The following EIF4G3 variants were observed in gnomAD, a reference collection of about 807,000 sequenced individuals.
EIF4G3 encodes eukaryotic translation initiation factor 4 gamma 3, also known as eIF-4-gamma 3.
A neutral mutation model predicts 186.4 loss-of-function variants in EIF4G3; 34 were observed. That is an observed-to-expected ratio of 0.18 (90% CI 0.14 to 0.24). EIF4G3 has a LOEUF of 0.24. Among genes scored for constraint, EIF4G3 ranks in the 10% least tolerant of loss-of-function variants. The pLI, the probability that EIF4G3 is intolerant of heterozygous loss-of-function variation, is 1.00. For synonymous variants in EIF4G3, 673 were observed against 679.5 expected (o/e 0.99, Z 0.15); for missense variants, 1,536 against 1,948.5 (o/e 0.79, Z 3.99).
intron 18 of EIF4G3, among the ~76,000 whole-genome samples, chr1:20,892,242 C>G (rs956277125): frequency 9.9e-5 from 15 of 152,216 alleles, no homozygotes; most frequent in Non-Finnish European, 2.1e-4. Context: ...AAATGTACAT[C>G]AAACCCCAAG....
chr1:21,055,269 C>G (rs956454203), intron 3 of EIF4G3, among the ~76,000 whole-genome samples: 2 of 151,656 alleles, frequency 1.3e-5, no homozygotes, highest in Admixed American at 1.3e-4. Context: ...ATTTTTAACA[C>G]GGGAAAAATT....
chr1:20,981,083 G>C lies in EIF4G3; in HGVS notation c.343C>G (p.Pro115Ala). The C allele has an allele frequency of 6.2e-7, 1 of 1,612,720 alleles. No homozygotes were observed. Among genetic ancestry groups the C allele is most frequent in the South Asian group, 1.1e-5 (1 of 90,920 alleles). ...CAGTACTGAGGCCCCTGGGGCACTG[G>C]GTACGGCATGGGCAGATGGTTAACC... ...MMVNHLPMPY[P>A]VPQGPQYCIP... is the part of the protein sequence containing the mutation. The change falls in exon 9 of 37, where the codon CCA becomes GCA. Residue 115 changes from proline to alanine, a missense_variant. Around this residue, in one of 11 missense-constraint regions of EIF4G3, gnomAD observed 194 missense variants for 212.8 expected, o/e 0.91. Transcript: ENST00000602326.
chr1:20,820,138 C>T (rs1332494375), intron 33 of EIF4G3, among the ~76,000 whole-genome samples: 3 of 152,130 alleles, frequency 2.0e-5, no homozygotes, highest in Non-Finnish European at 4.4e-5. Flanking sequence ...CCCTGCCCTC[C>T]CACCCAAACT....
intron 4 of EIF4G3, among the ~76,000 whole-genome samples, chr1:21,013,636 CA>C (rs2087884755): frequency 6.6e-6 from 1 of 152,142 alleles, no homozygotes; most frequent in Non-Finnish European, 1.5e-5. Flanking sequence ...GGCAGAGGAA[CA>C]CAACAGAACA....
intron 34 of EIF4G3, among the ~76,000 whole-genome samples, chr1:20,814,076 A>G (rs2059855667): frequency 6.7e-6 from 1 of 148,432 alleles, no homozygotes; most frequent in Admixed American, 6.9e-5. Flanking sequence ...CCTCCTGAGT[A>G]GCTGGGACTA....
chr1:21,024,410 A>G (rs536345653), intron 4 of EIF4G3, among the ~76,000 whole-genome samples: 62 of 152,340 alleles, frequency 4.1e-4, no homozygotes, highest in Admixed American at 6.5e-4. Context: ...CTCATTGAGA[A>G]TGGGCCAGGA....
At chr1:20,913,400 T>C (rs2093478315) in intron 14 of EIF4G3, among the ~76,000 whole-genome samples, 1 of 152,100 alleles carries the variant, frequency 6.6e-6, no homozygotes, top group Admixed American at 6.6e-5. Flanking sequence ...TAGCTGGGTG[T>C]GGTGGCATGT....
At chr1:21,075,898 TATTC>T (rs1396182690) in intron 3 of EIF4G3, among the ~76,000 whole-genome samples, 8 of 152,184 alleles carry the variant, frequency 5.3e-5, no homozygotes, top group Non-Finnish European at 1.2e-4. Flanking sequence ...CTTGAACTAT[TATTC>T]AACTTAAATA....
rs1437213092 is a variant in EIF4G3, at chr1:21,087,909, A to C, written c.-196+1229T>G. Among the ~76,000 whole-genome samples the C allele has an allele frequency of 2.0e-5, 3 of 151,088 alleles. No homozygotes were observed. In the East Asian group the frequency reaches 6.1e-4, roughly 31 times the overall value. On this transcript the variant is annotated intron_variant, in intron 3 of 36. Transcript: ENST00000602326. ...CGGCCTCCCAAAGTGCTGGGATTAC[A>C]GGCATGAGCCACCGTGCCCAGCCAA...
intron 2 of EIF4G3, among the ~76,000 whole-genome samples, chr1:21,163,593 A>G (rs995970171): frequency 6.6e-6 from 1 of 152,206 alleles, no homozygotes; most frequent in African/African-American, 2.4e-5. Context: ...CCACTTCCCA[A>G]TGTTAAGCAA....
chr1:21,170,982 A>G (rs2097953925), intron 2 of EIF4G3, among the ~76,000 whole-genome samples: 1 of 22,368 alleles, frequency 4.5e-5, no homozygotes, highest in African/African-American at 9.1e-5. Flanking sequence ...CCTGTCTAAA[A>G]AAATAAATTA....
At chr1:21,074,259 T>A (rs1246547145) in intron 3 of EIF4G3, among the ~76,000 whole-genome samples, 1 of 152,174 alleles carries the variant, frequency 6.6e-6, no homozygotes, top group Non-Finnish European at 1.5e-5. Flanking sequence ...GACAGCAGCA[T>A]CCTCTGTCCA....
chr1:21,075,570 C>CAAAAAAAAAAAAAAAAAAAAAAAAAAAAA (rs55649192), intron 3 of EIF4G3, among the ~76,000 whole-genome samples: 1 of 51,560 alleles, frequency 1.9e-5, no homozygotes, highest in Non-Finnish European at 3.1e-5. Flanking sequence ...CTCCAACTCA[C>CAAAAAAAAAAAAAAAAAAAAAAAAAAAAA]AAAAAAAAAA....
At chr1:20,859,416 T>G (rs1352385295) in intron 24 of EIF4G3, among the ~76,000 whole-genome samples, 1 of 152,338 alleles carries the variant, frequency 6.6e-6, no homozygotes, top group Admixed American at 6.5e-5. Flanking sequence ...AACTTCACTA[T>G]GAGCTCTACT....
chr1:21,163,862 C>T (rs1239086340), intron 2 of EIF4G3, among the ~76,000 whole-genome samples: 1 of 152,164 alleles, frequency 6.6e-6, no homozygotes, highest in Non-Finnish European at 1.5e-5. Context: ...GCCTCCGCCA[C>T]CTGAGTTCAA....
Position 20,860,367 on chromosome 1 carries a change from G to C in EIF4G3, c.3244+18C>G, listed in dbSNP as rs1043682412. 16 of 1,613,408 alleles carry C rather than the reference G, an allele frequency of 9.9e-6. No homozygotes were observed. The highest frequency in any genetic ancestry group is 1.3e-5 in the Non-Finnish European group (15 of 1,179,842). ...GAAACTTCCAAGTTCTCTAAACCCT[G>C]GTGGATTCCGGCCTCACCTGGTCTT... is the stretch of plus-strand genomic sequence containing the variant. On this transcript the variant is annotated intron_variant, in intron 24 of 36. Transcript: ENST00000602326.
At chr1:20,986,153 C>T (rs763736864) in intron 7 of EIF4G3, among the ~76,000 whole-genome samples, 1 of 152,098 alleles carries the variant, frequency 6.6e-6, no homozygotes, top group Non-Finnish European at 1.5e-5. Context: ...AATCTTGTTC[C>T]AACACAAAGG....
chr1:21,102,430 T>C (rs1199973675), intron 2 of EIF4G3, among the ~76,000 whole-genome samples: 1 of 152,250 alleles, frequency 6.6e-6, no homozygotes, highest in Non-Finnish European at 1.5e-5. Flanking sequence ...GCTATGGTTA[T>C]ATAATACACC....
At chr1:21,078,865 G>C (rs776451886) in intron 3 of EIF4G3, among the ~76,000 whole-genome samples, 9 of 152,076 alleles carry the variant, frequency 5.9e-5, no homozygotes, top group Non-Finnish European at 8.8e-5. Flanking sequence ...TGCACCGGTA[G>C]TCCCAGCTAC....
Sources: allele counts gnomAD v4.1 joint callset (sites outside exome capture counted in the v4.1 genomes callset), GRCh38; gene constraint gnomAD v4.1.1; regional missense constraint gnomAD v4.1.1; transcripts MANE v1.5; gene names NCBI Gene and HGNC (gene_info 2026-07-23, HGNC 2026-07-21).